Variants in BLK observed in about 807,000 individuals in gnomAD.
The protein encoded by BLK is tyrosine-protein kinase Blk.
A neutral mutation model predicts 61.8 loss-of-function variants in BLK; 64 were observed. The observed-to-expected ratio is 1.03, with a 90% CI of 0.85 to 1.27. The LOEUF (loss-of-function observed/expected upper bound fraction) is 1.27. Ranked by LOEUF, BLK falls within the 50% of genes most tolerant of loss-of-function variation. BLK has a pLI of 0.00. For missense variants in BLK, 853 were observed against 660.5 expected, an observed-to-expected ratio of 1.29 and a Z score of -3.19; for synonymous variants, 351 against 272.0, an observed-to-expected ratio of 1.29 and a Z score of -2.86.
At chr8:11,511,321 A>G (rs1299776969) in intron 1 of BLK, among the ~76,000 whole-genome samples, 6 of 152,170 alleles carry the variant, frequency 3.9e-5, no homozygotes, top group Admixed American at 6.5e-5. Flanking sequence ...GAGGGATAGC[A>G]TTAGGAGATA....
chr8:11,518,109 A>G (rs968829652), intron 1 of BLK, among the ~76,000 whole-genome samples: 47 of 152,246 alleles, frequency 3.1e-4, no homozygotes, highest in African/African-American at 1.1e-3. Context: ...CAGGGTACGC[A>G]GTGGGTGAAT....
chr8:11,545,665 T>C, intron 2 of BLK: 1 of 310,716 alleles, frequency 3.2e-6, no homozygotes, highest in Non-Finnish European at 6.3e-6. Flanking sequence ...CCTACAAATA[T>C]GTTTGTCGAG....
intron 5 of BLK, among the ~76,000 whole-genome samples, chr8:11,549,533 C>A (rs999711794): frequency 2.6e-5 from 4 of 152,188 alleles, no homozygotes; most frequent in African/African-American, 2.4e-5. Flanking sequence ...TACTCCCAAT[C>A]TTCTAATCCC....
intron 10 of BLK, chr8:11,560,424 T>G (rs186422750): frequency 5.6e-5 from 13 of 231,520 alleles, no homozygotes; most frequent in Middle Eastern, 1.6e-3. Flanking sequence ...GATAGATGGA[T>G]GGATTCATAG....
intron 10 of BLK, among the ~76,000 whole-genome samples, chr8:11,559,438 CAG>C (rs1190916306): frequency 6.6e-6 from 1 of 151,818 alleles, no homozygotes; most frequent in African/African-American, 2.4e-5. Flanking sequence ...CAAACTCACA[CAG>C]ACACACAAAT....
At chr8:11,501,120 A>C (rs1368078372) in intron 1 of BLK, among the ~76,000 whole-genome samples, 1 of 152,092 alleles carries the variant, frequency 6.6e-6, no homozygotes, top group Admixed American at 6.5e-5. Context: ...GAGGCAGGAG[A>C]ATTGCTTGAA....
chr8:11,559,740 A>G (rs1563124668), intron 10 of BLK: 2 of 455,830 alleles, frequency 4.4e-6, no homozygotes. Flanking sequence ...ATGCCTCGCC[A>G]CCCCTCTACC....
chr8:11,531,947 C>T (rs1187778119), intron 1 of BLK, among the ~76,000 whole-genome samples: 3 of 152,118 alleles, frequency 2.0e-5, no homozygotes, highest in Non-Finnish European at 4.4e-5. Flanking sequence ...CAACCACAGC[C>T]TCTCGAGTTC....
At chr8:11,560,444 C>G (rs983094643) in intron 10 of BLK, 1 of 233,938 alleles carries the variant, frequency 4.3e-6, no homozygotes, top group African/African-American at 2.3e-5. Flanking sequence ...GATAAACCAA[C>G]AAAATGCAAG....
In BLK at chr8:11,564,000, C is replaced by T. The variant is rs777873725; in HGVS notation, c.1410C>T (p.Ala470=). 9.3e-6 allele frequency: 15 copies of T among 1,605,544 alleles called. No individual in the cohort carries two copies. Among genetic ancestry groups the T allele is most frequent in the Non-Finnish European group, 1.2e-5 (14 of 1,179,246 alleles). Residue 470 remains alanine (A), a synonymous_variant, in exon 13 of 13, where the codon GCC becomes GCT. Transcript: ENST00000259089. ...CPPELYRGVI[A]ECWRSRPEER... is the part of the protein sequence containing the mutation. ...CCGAGCTGTACCGCGGCGTCATCGC[C>T]GAGTGCTGGCGCAGCCGGCCCGAGG...
At chr8:11,518,502 C>T (rs1463105106) in intron 1 of BLK, among the ~76,000 whole-genome samples, 1 of 152,110 alleles carries the variant, frequency 6.6e-6, no homozygotes, top group Non-Finnish European at 1.5e-5. Context: ...CTGAAGGTCA[C>T]TGTCACGCTG....
chr8:11,554,908 TG>T lies in BLK; in HGVS notation c.619+24del. On this transcript the variant is annotated intron_variant, in intron 7 of 12. Coordinates refer to ENST00000259089, the MANE Select transcript of BLK (RefSeq NM_001715.3). ...TATTCTAGTAAGAGGGGGCGTGCAA[TG>T]GGGGCAGGGACTTGTGCCAAGAGCC... 6.2e-7 allele frequency: 1 copy of T among 1,609,726 alleles called. No individual in the cohort carries two copies.
At chr8:11,532,721 A>C (rs1799941138) in intron 1 of BLK, among the ~76,000 whole-genome samples, 1 of 152,046 alleles carries the variant, frequency 6.6e-6, no homozygotes, top group Admixed American at 6.5e-5. Flanking sequence ...CTCTCAATTA[A>C]CTTTTCTCCT....
At chr8:11,537,213 A>G (rs1456043099) in intron 1 of BLK, among the ~76,000 whole-genome samples, 1 of 152,196 alleles carries the variant, frequency 6.6e-6, no homozygotes, top group Non-Finnish European at 1.5e-5. Flanking sequence ...CCATAGGCCA[A>G]TCACCGTACT....
intron 8 of BLK, chr8:11,556,125 C>T (rs1374955851): frequency 4.4e-6 from 1 of 226,500 alleles, no homozygotes; most frequent in Non-Finnish European, 8.8e-6. Context: ...TGCCAAGGCC[C>T]ATGTCCTCTA....
Position 11,563,106 on chromosome 8 carries a change from C to A in BLK, c.1308C>A (p.Tyr436Ter), listed in dbSNP as rs886062596. ...TTGTCACTTATGGGCGGGTGCCATA[C>A]CCAGGTAGGTGGCTCACCCCGCAGC... ...MEVVTYGRVPYPGMSNPEVIR... is the reference protein window; with the variant it reads ...MEVVTYGRVP The change falls in exon 12 of 13, where the codon TAC becomes TAA. Residue 436 changes from tyrosine to a stop codon, truncating the protein, a stop_gained. Coordinates refer to ENST00000259089, the MANE Select transcript of BLK (RefSeq NM_001715.3). LOFTEE classifies it low-confidence loss of function (END_TRUNC). The A allele has an allele frequency of 6.2e-7, 1 of 1,613,632 alleles. No individual in the cohort carries two copies. Among genetic ancestry groups the A allele is most frequent in the African/African-American group, 1.3e-5 (1 of 75,052 alleles).
chr8:11,537,448 A>C (rs1800179835), intron 1 of BLK, among the ~76,000 whole-genome samples: 1 of 152,210 alleles, frequency 6.6e-6, no homozygotes, highest in African/African-American at 2.4e-5. Flanking sequence ...CAAAGCCTCC[A>C]GCACATAACA....
At chr8:11,518,834 G>T (rs151089235) in intron 1 of BLK, among the ~76,000 whole-genome samples, 66 of 152,252 alleles carry the variant, frequency 4.3e-4, no homozygotes, top group African/African-American at 1.6e-3. Context: ...TCTGCTCTGG[G>T]AATCTGCCAA....
intron 1 of BLK, among the ~76,000 whole-genome samples, chr8:11,515,420 C>T (rs938034210): frequency 6.6e-6 from 1 of 152,146 alleles, no homozygotes; most frequent in African/African-American, 2.4e-5. Flanking sequence ...GTCAGTGGCT[C>T]CACCTGAGTC....
Sources: allele counts gnomAD v4.1 joint callset (sites outside exome capture counted in the v4.1 genomes callset), GRCh38; gene constraint gnomAD v4.1.1; transcripts MANE v1.5; gene names NCBI Gene and HGNC (gene_info 2026-07-23, HGNC 2026-07-21).